DHRSX: variants seen among roughly 807,000 people sequenced by gnomAD.
DHRSX encodes dehydrogenase/reductase X-linked, also known as polyprenol dehydrogenase.
DHRSX carries 31 observed loss-of-function variants against 34.0 expected under a neutral mutation model. That is an observed-to-expected ratio of 0.91 (90% CI 0.69 to 1.23). The LOEUF is 1.23. DHRSX is among the 50% of genes most tolerant of loss of function. The pLI is 0.00. For missense variants in DHRSX, 414 were observed against 428.1 expected (o/e 0.97, Z 0.29); for synonymous variants, 201 against 183.8 (o/e 1.09, Z -0.76).
At chrX:2,498,283 C>T (rs1397717161) in intron 1 of DHRSX, among the ~76,000 whole-genome samples, 3 of 152,220 alleles carry the variant, frequency 2.0e-5, no homozygotes, top group Non-Finnish European at 4.4e-5. Flanking sequence ...GAAATTGGCC[C>T]TCTTGGTTAT....
At position 2,282,394 on chromosome X, in the gene DHRSX, C is replaced by CAGAGAGAA. The variant is rs376215723; in HGVS notation, c.388+9100_388+9107dup. Among the ~76,000 whole-genome samples, 106 of 128,326 alleles carry CAGAGAGAA rather than the reference C, an allele frequency of 8.3e-4. 1 individual carries two copies. The highest frequency in any genetic ancestry group is 2.9e-3 in the African/African-American group (97 of 32,916). 84.2% of individuals were successfully genotyped at this position (128,326 alleles called of 152,430 possible). A position where few individuals can be genotyped will look rare whatever the true frequency, so the allele number is the denominator to read the frequency against. On this transcript the variant is annotated intron_variant, in intron 4 of 6. Coordinates refer to ENST00000334651, the MANE Select transcript of DHRSX (RefSeq NM_145177.3). Reference sequence around the variant, plus strand: ...ATAAGGGGAGAGACAGAGAAAGAGACAGAGAGAAAGAGAGAAAGGGGGAGA... The same window carrying CAGAGAGAA: ...ATAAGGGGAGAGACAGAGAAAGAGACAGAGAGAAAGAGAGAAAGAGAGAAAGGGGGAGA...
At chrX:2,387,925 C>T (rs1446484353) in intron 3 of DHRSX, among the ~76,000 whole-genome samples, 2 of 68,886 alleles carry the variant, frequency 2.9e-5, no homozygotes, top group African/African-American at 1.0e-4. Context: ...AAAAAAAAAA[C>T]GGGATTCCCT....
intron 1 of DHRSX, chrX:2,489,567 T>A (rs781625611): frequency 1.2e-6 from 2 of 1,612,610 alleles, no homozygotes; most frequent in Non-Finnish European, 8.5e-7. Context: ...GCCTCCAGCA[T>A]GAGGTGGTGG....
rs182602648 is a variant in DHRSX at position 2,219,950 on chromosome X, G to C, written c.*1091C>G. 13 of 152,300 alleles carry C rather than the reference G, an allele frequency of 8.5e-5. No individual in the cohort carries two copies. The East Asian group carries it at 2.3e-3, about 27-fold the overall frequency. The allele number at this position is 152,300 out of a possible 1,614,324, so 9.4% of individuals were successfully genotyped here. A position where few individuals can be genotyped will look rare whatever the true frequency, so the allele number is the denominator to read the frequency against. The stretch of plus-strand genomic sequence containing the variant: ...TATACCAAGGATGTACCCTTTGGCT[G>C]TGTGAGGTTTTCAGAAGTATCAGAA... On this transcript the variant is annotated 3_prime_UTR_variant, in exon 7 of 7. Transcript: ENST00000334651.
intron 3 of DHRSX, among the ~76,000 whole-genome samples, chrX:2,312,076 ATAGTATC>A (rs1419430539): frequency 2.0e-4 from 30 of 152,136 alleles, no homozygotes; most frequent in African/African-American, 5.6e-4. Flanking sequence ...GTAAGCTGTG[ATAGTATC>A]TGTCTGCTAA....
At position 2,266,850 on chromosome X, in the gene DHRSX, GAGA is replaced by G; in HGVS notation, c.483_485del (p.Leu163del). 3.1e-6 allele frequency: 5 copies of G among 1,613,996 alleles called. No individual in the cohort carries two copies. The highest frequency in any genetic ancestry group is 3.4e-6 in the Non-Finnish European group (4 of 1,179,876). On this transcript the variant is annotated inframe_deletion, in exon 5 of 7. Coordinates refer to ENST00000334651, the MANE Select transcript of DHRSX (RefSeq NM_145177.3). ...ACCCAGACTCTTTCAGCGTATCCAAGAGAAGGTTGGTCAGCAGGAAGTGCCCTA... is the reference window on the plus strand; with the variant it reads ...ACCCAGACTCTTTCAGCGTATCCAAGAGGTTGGTCAGCAGGAAGTGCCCTA...
chrX:2,353,719 G>T (rs1487934681), intron 3 of DHRSX, among the ~76,000 whole-genome samples: 1 of 151,282 alleles, frequency 6.6e-6, no homozygotes, highest in Non-Finnish European at 1.5e-5. Context: ...GAGTAGGTGG[G>T]ACTACAGGCA....
At chrX:2,415,346 C>G (rs1242242565) in intron 2 of DHRSX, among the ~76,000 whole-genome samples, 1 of 151,912 alleles carries the variant, frequency 6.6e-6, no homozygotes, top group Non-Finnish European at 1.5e-5. Context: ...CATGACCAAC[C>G]AACTAGATCT....
At chrX:2,290,408 A>G (rs1234165003) in intron 4 of DHRSX, among the ~76,000 whole-genome samples, 1 of 152,156 alleles carries the variant, frequency 6.6e-6, no homozygotes, top group Non-Finnish European at 1.5e-5. Flanking sequence ...TCCATATCCT[A>G]ATCTCCAGAA....
intron 3 of DHRSX, among the ~76,000 whole-genome samples, chrX:2,379,189 TC>T (rs1362528761): frequency 6.6e-6 from 1 of 151,774 alleles, no homozygotes; most frequent in East Asian, 1.9e-4. Flanking sequence ...GGCTTCAGAG[TC>T]CCCTGTAAAT....
chrX:2,245,307 C>A (rs1335611287), intron 5 of DHRSX, among the ~76,000 whole-genome samples: 1 of 151,964 alleles, frequency 6.6e-6, no homozygotes, highest in East Asian at 1.9e-4. Context: ...TTTTCAAGGA[C>A]TATACTTCTT....
intron 4 of DHRSX, among the ~76,000 whole-genome samples, chrX:2,286,409 G>T (rs1351432257): frequency 6.6e-6 from 1 of 152,162 alleles, no homozygotes; most frequent in Non-Finnish European, 1.5e-5. Context: ...TCCATTCTCA[G>T]CATAGACTGT....
chrX:2,248,627 GA>G lies in DHRSX; in HGVS notation c.597-5398del, dbSNP rs1199244718. 2.1e-4 allele frequency among the ~76,000 whole-genome samples: 24 copies of G among 114,702 alleles called. 2 individuals are homozygous for G. Among genetic ancestry groups the G allele is most frequent in the South Asian group, 1.2e-3 (4 of 3,306 alleles). The allele number at this position is 114,702 out of a possible 152,430, so 75.2% of individuals were successfully genotyped here. On this transcript the variant is annotated intron_variant, in intron 5 of 6. Transcript: ENST00000334651. Reference sequence around the variant, plus strand: ...AGACTCTGTCTCAAAAAAAAAAAAAGAAAAAGAAAAGAAAAGAAAAAGAAAG... The same window carrying G: ...AGACTCTGTCTCAAAAAAAAAAAAAGAAAAGAAAAGAAAAGAAAAAGAAAG...
chrX:2,327,360 C>T (rs368866944), intron 3 of DHRSX, among the ~76,000 whole-genome samples: 1 of 152,152 alleles, frequency 6.6e-6, no homozygotes, highest in Non-Finnish European at 1.5e-5. Context: ...ACCACAGAAA[C>T]GAGATGCCTC....
At chrX:2,462,515 A>G (rs1176401033) in intron 1 of DHRSX, among the ~76,000 whole-genome samples, 1 of 141,492 alleles carries the variant, frequency 7.1e-6, no homozygotes, top group African/African-American at 2.9e-5. Flanking sequence ...AGCCTGGGCA[A>G]CAAGAGCAAA....
chrX:2,302,807 TA>T (rs1169696314), intron 3 of DHRSX, among the ~76,000 whole-genome samples: 2 of 151,848 alleles, frequency 1.3e-5, no homozygotes, highest in Admixed American at 6.6e-5. Context: ...TCCAATGACT[TA>T]AAAAAAACAC....
chrX:2,422,234 G>A (rs1327981812), intron 2 of DHRSX, among the ~76,000 whole-genome samples: 1 of 152,156 alleles, frequency 6.6e-6, no homozygotes, highest in East Asian at 1.9e-4. Context: ...TGGCGGAGAG[G>A]AAGAAGTCAA....
At chrX:2,394,864 T>C (rs1209423270) in intron 3 of DHRSX, among the ~76,000 whole-genome samples, 1 of 148,486 alleles carries the variant, frequency 6.7e-6, no homozygotes, top group Admixed American at 6.7e-5. Flanking sequence ...AGACTCCGTC[T>C]CATGAAAAAA....
At chrX:2,285,065 T>C (rs900147453) in intron 4 of DHRSX, among the ~76,000 whole-genome samples, 1 of 152,124 alleles carries the variant, frequency 6.6e-6, no homozygotes, top group African/African-American at 2.4e-5. Context: ...GGCAGCAGTC[T>C]CCAACCTTTT....
Sources: gnomAD v4.1 joint callset for allele counts (sites outside exome capture counted in the v4.1 genomes callset) on GRCh38, gnomAD v4.1.1 for gene constraint, MANE v1.5 for transcripts, NCBI Gene and HGNC (gene_info 2026-07-23, HGNC 2026-07-21) for gene names.